INPP5A: variants seen among roughly 807,000 people sequenced by gnomAD.
The protein encoded by INPP5A is inositol polyphosphate-5-phosphatase A.
INPP5A carries 14 observed loss-of-function variants against 65.2 expected under a neutral mutation model. The observed-to-expected ratio is 0.21, with a 90% CI of 0.14 to 0.34. The LOEUF is 0.34. INPP5A is among the 10% of genes least tolerant of loss of function. The pLI is 1.00. For synonymous variants in INPP5A, 207 were observed against 208.3 expected (o/e 0.99, Z 0.05); for missense variants, 431 against 545.6 (o/e 0.79, Z 2.09).
chr10:132,538,357 G>T lies in INPP5A; in HGVS notation c.75+186G>T, dbSNP rs1326074326. On this transcript the variant is annotated intron_variant, in intron 1 of 15. Coordinates refer to ENST00000368594, the MANE Select transcript of INPP5A (RefSeq NM_005539.5). The surrounding 1 kb of genome is among the most constrained non-coding windows in gnomAD (Gnocchi z 4.1). ...CCCAAGTCTGGGAGCCCAGACCCCT[G>T]TCTTGATCCCCAAGCCCGAGACCTG... Among the ~76,000 whole-genome samples the T allele has an allele frequency of 6.6e-6, 1 of 152,092 alleles. No homozygotes were observed. The highest frequency in any genetic ancestry group is 1.5e-5 in the Non-Finnish European group (1 of 68,006).
intron 4 of INPP5A, among the ~76,000 whole-genome samples, chr10:132,658,252 A>G (rs1000645542): frequency 6.6e-6 from 1 of 152,012 alleles, no homozygotes; most frequent in Admixed American, 6.5e-5. Context: ...CTTTGAATTG[A>G]TTTTTCATTA....
intron 8 of INPP5A, among the ~76,000 whole-genome samples, chr10:132,723,972 A>G (rs1845940267): frequency 6.6e-6 from 1 of 152,164 alleles, no homozygotes; most frequent in South Asian, 2.1e-4. Context: ...ACTTGTTACA[A>G]CTGAGATTTA....
chr10:132,572,873 T>C (rs1457916293), intron 1 of INPP5A, among the ~76,000 whole-genome samples: 1 of 152,224 alleles, frequency 6.6e-6, no homozygotes, highest in African/African-American at 2.4e-5. Context: ...TGGAATCCCA[T>C]TGAAAGAACT....
intron 3 of INPP5A, among the ~76,000 whole-genome samples, chr10:132,648,672 T>G (rs1252891886): frequency 6.6e-6 from 1 of 152,254 alleles, no homozygotes; most frequent in Non-Finnish European, 1.5e-5. Context: ...CAATTTTTTT[T>G]CCTCTCACTA....
intron 9 of INPP5A, among the ~76,000 whole-genome samples, chr10:132,736,815 C>T (rs920134605): frequency 6.6e-6 from 1 of 152,280 alleles, no homozygotes; most frequent in African/African-American, 2.4e-5. Context: ...GTCATGGCCC[C>T]CCACAGCCCC....
rs1280394840 is a variant in INPP5A, at chr10:132,547,460, G to A, written c.75+9289G>A. On this transcript the variant is annotated intron_variant, in intron 1 of 15. Coordinates refer to ENST00000368594, the MANE Select transcript of INPP5A (RefSeq NM_005539.5). This position sits in a 1 kb window ranked among gnomAD's most constrained non-coding sequence, Gnocchi z 5.5. ...GCACTCGGCTGCCTAGGTGGTGTGA[G>A]GTTCTGTGAGCCCGGGCCCAGCTGC... Among the ~76,000 whole-genome samples the A allele has an allele frequency of 6.6e-6, 1 of 152,200 alleles. No homozygotes were observed. The highest frequency in any genetic ancestry group is 1.5e-5 in the Non-Finnish European group (1 of 68,036).
intron 12 of INPP5A, among the ~76,000 whole-genome samples, chr10:132,773,757 C>T (rs12767469): frequency 2.0e-5 from 3 of 152,054 alleles, no homozygotes; most frequent in African/African-American, 4.8e-5. Flanking sequence ...TTTTGTCCCT[C>T]GAGATACGGG....
chr10:132,712,538 GCA>G (rs1278774095), intron 8 of INPP5A, among the ~76,000 whole-genome samples: 1 of 150,852 alleles, frequency 6.6e-6, no homozygotes, highest in African/African-American at 2.4e-5. Context: ...CATTGTGTGT[GCA>G]CACGTGGACA....
intron 9 of INPP5A, among the ~76,000 whole-genome samples, chr10:132,748,634 C>G (rs971715490): frequency 6.6e-6 from 1 of 152,232 alleles, no homozygotes; most frequent in African/African-American, 2.4e-5. Context: ...AAACAGGCCT[C>G]AATGTAATCC....
rs1351969713 is a variant in INPP5A at position 132,627,186 on chromosome 10, T to G, written c.118-18682T>G. ...ACCGGCCGGCTTCTTGGCCTCAGAC[T>G]GACAGCTCCAGAACTGGGAGAAATA... On this transcript the variant is annotated intron_variant, in intron 2 of 15. Coordinates refer to ENST00000368594, the MANE Select transcript of INPP5A (RefSeq NM_005539.5). The surrounding 1 kb of genome is among the most constrained non-coding windows in gnomAD (Gnocchi z 6.6). 6.6e-6 allele frequency among the ~76,000 whole-genome samples: 1 copy of G among 151,844 alleles called. No individual in the cohort carries two copies. The highest frequency in any genetic ancestry group is 1.9e-4 in the East Asian group (1 of 5,204).
At chr10:132,634,646 T>A (rs116640688) in intron 2 of INPP5A, among the ~76,000 whole-genome samples, 166 of 152,378 alleles carry the variant, frequency 1.1e-3, no homozygotes, top group African/African-American at 3.8e-3. Context: ...CTTTGTTCTG[T>A]CAACCTCTGC....
At chr10:132,604,385 G>A (rs769488854) in intron 1 of INPP5A, among the ~76,000 whole-genome samples, 8 of 152,050 alleles carry the variant, frequency 5.3e-5, no homozygotes, top group Admixed American at 2.6e-4. Flanking sequence ...CCTCTCTGAC[G>A]CTTGCCCTGC....
intron 6 of INPP5A, among the ~76,000 whole-genome samples, chr10:132,700,342 C>T (rs1288247762): frequency 6.6e-6 from 1 of 152,192 alleles, no homozygotes; most frequent in Admixed American, 6.5e-5. Context: ...GGGGGCCAGC[C>T]CCTGCCCTGG....
intron 1 of INPP5A, among the ~76,000 whole-genome samples, chr10:132,548,488 T>C (rs762141872): frequency 2.3e-4 from 35 of 152,156 alleles, no homozygotes; most frequent in Non-Finnish European, 4.1e-4. Flanking sequence ...AACAGTGTTA[T>C]TTACCCGGGA....
At chr10:132,716,506 C>T (rs573067884) in intron 8 of INPP5A, among the ~76,000 whole-genome samples, 4 of 152,326 alleles carry the variant, frequency 2.6e-5, no homozygotes, top group Admixed American at 2.0e-4. Flanking sequence ...TCATGGGACT[C>T]GCTGCCGGCT....
chr10:132,764,336 G>A (rs1431536755), intron 11 of INPP5A, among the ~76,000 whole-genome samples: 3 of 152,272 alleles, frequency 2.0e-5, no homozygotes, highest in African/African-American at 7.2e-5. Context: ...CAGAGAGGGT[G>A]TGCATGGTGA....
At chr10:132,730,307 A>T (rs1846061109) in intron 9 of INPP5A, among the ~76,000 whole-genome samples, 1 of 152,018 alleles carries the variant, frequency 6.6e-6, no homozygotes, top group Non-Finnish European at 1.5e-5. Flanking sequence ...CGCCCCCATC[A>T]CGCTGGTGTC....
chr10:132,731,955 G>T (rs934502141), intron 9 of INPP5A, among the ~76,000 whole-genome samples: 2 of 152,224 alleles, frequency 1.3e-5, no homozygotes, highest in Non-Finnish European at 2.9e-5. Context: ...TGTCTAAATG[G>T]CACCAGAATT....
intron 1 of INPP5A, among the ~76,000 whole-genome samples, chr10:132,577,286 A>G (rs932830441): frequency 6.6e-6 from 1 of 152,156 alleles, no homozygotes; most frequent in African/African-American, 2.4e-5. Context: ...TGAGCATTTC[A>G]GGACGGGACT....
Sources: allele counts gnomAD v4.1 joint callset (sites outside exome capture counted in the v4.1 genomes callset), GRCh38; gene constraint gnomAD v4.1.1; non-coding constraint Gnocchi (gnomAD v3.1); transcripts MANE v1.5; gene names NCBI Gene and HGNC (gene_info 2026-07-23, HGNC 2026-07-21).